Variants in ARFGEF1 observed in about 807,000 individuals in gnomAD.
ARFGEF1 encodes ARF guanine nucleotide exchange factor 1, also known as brefeldin A-inhibited guanine nucleotide-exchange protein 1.
ARFGEF1 carries 42 observed loss-of-function variants against 231.0 expected under a neutral mutation model. The ratio of observed to expected loss-of-function variants is 0.18; its 90% confidence interval spans 0.14 to 0.24. The LOEUF is 0.24. ARFGEF1 is among the 10% of genes least tolerant of loss of function. The probability of loss-of-function intolerance (pLI) is 1.00; values close to 1 mark genes in which losing one functional copy is unlikely to be tolerated. For missense variants in ARFGEF1, 1,345 were observed against 2,192.0 expected (o/e 0.61, Z 7.72); for synonymous variants, 710 against 732.3 (o/e 0.97, Z 0.49).
At chr8:67,223,171 ATTCT>A (rs768657570) in intron 29 of ARFGEF1, among the ~76,000 whole-genome samples, 14 of 152,312 alleles carry the variant, frequency 9.2e-5, no homozygotes, top group South Asian at 6.2e-4. Flanking sequence ...CACACAAGAA[ATTCT>A]TTCTACACAG....
At chr8:67,324,274 C>G (rs1427369584) in intron 1 of ARFGEF1, among the ~76,000 whole-genome samples, 1 of 152,182 alleles carries the variant, frequency 6.6e-6, no homozygotes, top group Non-Finnish European at 1.5e-5. Context: ...AGCTTGGCAA[C>G]TGAGTGAGAC....
chr8:67,303,851 T>C lies in ARFGEF1; in HGVS notation c.125-1385A>G, dbSNP rs147817997. Among the ~76,000 whole-genome samples the C allele has an allele frequency of 7.5e-4, 114 of 152,298 alleles. 1 individual carries two copies. Among genetic ancestry groups the C allele is most frequent in the African/African-American group, 2.6e-3 (106 of 41,564 alleles). On this transcript the variant is annotated intron_variant, in intron 1 of 38. Coordinates refer to ENST00000262215, the MANE Select transcript of ARFGEF1 (RefSeq NM_006421.5). ...CACTTTACATATACTAAACTTTACA[T>C]AGACTATTACACTTTACATGCAACT...
chr8:67,177,070 C>CAAAAAAAAAAA (rs36084458), intron 5 of ARFGEF1, among the ~76,000 whole-genome samples: 1 of 51,864 alleles, frequency 1.9e-5, no homozygotes, highest in Admixed American at 2.1e-4. Flanking sequence ...GACTTAGTCT[C>CAAAAAAAAAAA]AAAAAAAAAA....
At chr8:67,316,828 T>C (rs1285641474) in intron 1 of ARFGEF1, among the ~76,000 whole-genome samples, 1 of 152,128 alleles carries the variant, frequency 6.6e-6, no homozygotes, top group Non-Finnish European at 1.5e-5. Context: ...CTCTAAACCC[T>C]TGACACTTCC....
At chr8:67,304,555 A>C (rs1587270587) in intron 1 of ARFGEF1, among the ~76,000 whole-genome samples, 1 of 152,366 alleles carries the variant, frequency 6.6e-6, no homozygotes, top group East Asian at 1.9e-4. Flanking sequence ...GGCTGGGCGC[A>C]GTGGCTCACA....
chr8:67,251,999 G>A (rs904295172), intron 18 of ARFGEF1, among the ~76,000 whole-genome samples: 2 of 152,168 alleles, frequency 1.3e-5, no homozygotes, highest in Non-Finnish European at 2.9e-5. Context: ...GCTGGGCGTG[G>A]TGGCTCATGC....
chr8:67,234,088 C>G (rs1388002306), intron 22 of ARFGEF1, among the ~76,000 whole-genome samples: 1 of 152,080 alleles, frequency 6.6e-6, no homozygotes, highest in Non-Finnish European at 1.5e-5. Context: ...AAGTCCAAAG[C>G]AGGTGCTCTA....
At chr8:67,327,337 T>G (rs975643201) in intron 1 of ARFGEF1, among the ~76,000 whole-genome samples, 2 of 151,272 alleles carry the variant, frequency 1.3e-5, no homozygotes, top group Non-Finnish European at 2.9e-5. Flanking sequence ...TTTTTTTTTT[T>G]GAGACAGAGT....
intron 6 of ARFGEF1, among the ~76,000 whole-genome samples, chr8:67,291,561 AACGGACATTTATG>A (rs1386005005): frequency 6.6e-6 from 1 of 152,154 alleles, no homozygotes; most frequent in Non-Finnish European, 1.5e-5. Context: ...TATAACATTT[AACGGACATTTATG>A]ACCCTCTTTA....
intron 1 of ARFGEF1, among the ~76,000 whole-genome samples, chr8:67,315,263 G>C (rs1807254469): frequency 6.6e-6 from 1 of 152,118 alleles, no homozygotes; most frequent in African/African-American, 2.4e-5. Flanking sequence ...ACATGAAATT[G>C]AAATGGATAG....
intron 1 of ARFGEF1, among the ~76,000 whole-genome samples, chr8:67,317,340 C>A (rs1807364904): frequency 6.6e-6 from 1 of 152,120 alleles, no homozygotes; most frequent in African/African-American, 2.4e-5. Context: ...TGGAAACTCT[C>A]AAGCATTAGC....
Position 67,244,268 on chromosome 8 carries a change from AC to A in ARFGEF1, c.2851-3979del, listed in dbSNP as rs1563860762. On this transcript the variant is annotated intron_variant, in intron 19 of 38. Coordinates refer to ENST00000262215, the MANE Select transcript of ARFGEF1 (RefSeq NM_006421.5). Reference sequence around the variant, plus strand: ...AAAAAAAAAAAAAAAAAAAAAAAAAACATTCGACTACTGAGTCTCTCGTCTC... The same window carrying A: ...AAAAAAAAAAAAAAAAAAAAAAAAAAATTCGACTACTGAGTCTCTCGTCTC... Among the ~76,000 whole-genome samples, 7 of 13,690 alleles carry A rather than the reference AC, an allele frequency of 5.1e-4. 2 individuals carry two copies. The highest frequency in any genetic ancestry group is 1.4e-3 in the African/African-American group (3 of 2,090). The allele number at this position is 13,690 out of a possible 152,430, so 9.0% of individuals were successfully genotyped here.
intron 13 of ARFGEF1, among the ~76,000 whole-genome samples, chr8:67,266,519 CTA>C (rs934587510): frequency 2.0e-5 from 3 of 152,098 alleles, no homozygotes; most frequent in African/African-American, 4.8e-5. Context: ...AGCCCTGCAG[CTA>C]TGAGTTTTTC....
intron 1 of ARFGEF1, among the ~76,000 whole-genome samples, chr8:67,332,266 A>G (rs935141006): frequency 1.3e-5 from 2 of 152,224 alleles, no homozygotes; most frequent in Admixed American, 6.5e-5. Context: ...TAACATTTTA[A>G]TAAGATTTTG....
chr8:67,260,319 G>T (rs1477978857), intron 14 of ARFGEF1, among the ~76,000 whole-genome samples: 2 of 152,152 alleles, frequency 1.3e-5, no homozygotes, highest in Non-Finnish European at 2.9e-5. Flanking sequence ...GCACTTCACA[G>T]ATACGTGTTT....
Position 67,328,737 on chromosome 8 carries a change from C to A in ARFGEF1, c.124+14427G>T, listed in dbSNP as rs1807955760. ...GTAAACTAAATGTGTATTTGTATTT[C>A]AGCTTACCCTCTGATTATTTTTAAA... On this transcript the variant is annotated intron_variant, in intron 1 of 38. Transcript: ENST00000262215. Among the ~76,000 whole-genome samples, 2 of 152,160 alleles carry A rather than the reference C, an allele frequency of 1.3e-5. 1 individual carries two copies. Among genetic ancestry groups the A allele is most frequent in the African/African-American group, 4.8e-5 (2 of 41,438 alleles).
chr8:67,296,327 TCTTTTCTACAGGTACAA>T, intron 5 of ARFGEF1, 87 bp downstream of exon 5: 1 of 1,040,620 alleles, frequency 9.6e-7, no homozygotes, highest in Non-Finnish European at 1.4e-6. Flanking sequence ...TAAAAGACAT[TCTTTTCTACAGGTACAA>T]AGATTTCACT....
intron 3 of ARFGEF1, among the ~76,000 whole-genome samples, chr8:67,300,250 A>G (rs1806417957): frequency 1.3e-5 from 2 of 152,184 alleles, no homozygotes; most frequent in South Asian, 4.1e-4. Flanking sequence ...TCTTTAACCT[A>G]TCCTTAAGGA....
intron 1 of ARFGEF1, among the ~76,000 whole-genome samples, chr8:67,337,579 G>A (rs927829387): frequency 6.9e-6 from 1 of 145,106 alleles, no homozygotes; most frequent in African/African-American, 2.6e-5. Context: ...CTTTCTCTCT[G>A]TCTCTCTCCC....
Sources: gnomAD v4.1 joint callset for allele counts (sites outside exome capture counted in the v4.1 genomes callset) on GRCh38, gnomAD v4.1.1 for gene constraint, MANE v1.5 for transcripts, NCBI Gene and HGNC (gene_info 2026-07-23, HGNC 2026-07-21) for gene names.